Variants in ZNF362 observed in about 807,000 individuals in gnomAD.
The protein encoded by ZNF362 is zinc finger protein 362, also known as rotund homolog.
A neutral mutation model predicts 42.9 loss-of-function variants in ZNF362; 11 were observed. That is an observed-to-expected ratio of 0.26 (90% confidence interval 0.16 to 0.42). The LOEUF (loss-of-function observed/expected upper bound fraction) is 0.42, where lower values mean the gene tolerates loss of function less well. ZNF362 is among the 20% of genes least tolerant of loss of function. ZNF362 has a pLI of 1.00. For missense variants in ZNF362, 362 were observed against 576.2 expected, an observed-to-expected ratio of 0.63 and a Z score of 3.81; for synonymous variants, 255 against 257.3, an observed-to-expected ratio of 0.99 and a Z score of 0.09.
the ZNF362 span, among the ~76,000 whole-genome samples, chr1:33,170,817 A>C: frequency 6.6e-6 from 1 of 152,120 alleles, no homozygotes; most frequent in Non-Finnish European, 1.5e-5. Flanking sequence ...TCTGTGCCCC[A>C]GTGCCTTGTC....
chr1:33,239,929 T>C, the ZNF362 span, among the ~76,000 whole-genome samples: 1 of 152,096 alleles, frequency 6.6e-6, no homozygotes, highest in Non-Finnish European at 1.5e-5. Context: ...CTATCACCCA[T>C]TGAAAAAATA....
chr1:33,279,116 T>C (rs1294071077), intron 4 of ZNF362, among the ~76,000 whole-genome samples: 1 of 152,108 alleles, frequency 6.6e-6, no homozygotes, highest in African/African-American at 2.4e-5. Context: ...CCTCGACCTC[T>C]GGGGCTCAAG....
chr1:33,136,118 CCTT>C, the ZNF362 span, among the ~76,000 whole-genome samples: 3 of 33,070 alleles, frequency 9.1e-5, no homozygotes, highest in Non-Finnish European at 2.5e-4. Context: ...GCCAGCCCTT[CCTT>C]CCTTCCTTCC....
rs909944182 is a variant in ZNF362 at position 33,293,727 on chromosome 1, C to T, written c.909-1210C>T. Among the ~76,000 whole-genome samples the T allele has an allele frequency of 7.2e-5, 11 of 152,310 alleles. No homozygotes were observed. In the South Asian group the frequency reaches 8.3e-4, roughly 11 times the overall value. ...TTGCCCAAACAGATGCTTGAAGACA[C>T]GCCCAGGGAGATGGTGCAAAGGCAT... On this transcript the variant is annotated intron_variant, in intron 6 of 8. Coordinates refer to ENST00000539719, the MANE Select transcript of ZNF362 (RefSeq NM_152493.3).
At chr1:33,273,727 G>A (rs911789262) in intron 2 of ZNF362, among the ~76,000 whole-genome samples, 1 of 152,170 alleles carries the variant, frequency 6.6e-6, no homozygotes, top group African/African-American at 2.4e-5. Flanking sequence ...TGGTGCCCTT[G>A]TTTCTTCCTC....
the ZNF362 span, among the ~76,000 whole-genome samples, chr1:33,139,515 A>G: frequency 6.6e-6 from 1 of 152,192 alleles, no homozygotes; most frequent in Admixed American, 6.5e-5. Flanking sequence ...TGAGTGGGAC[A>G]TGAAGGATGA....
chr1:33,286,958 G>T (rs956323598), intron 6 of ZNF362, among the ~76,000 whole-genome samples: 2 of 152,182 alleles, frequency 1.3e-5, no homozygotes, highest in Admixed American at 1.3e-4. Context: ...GATCCACCCT[G>T]GGAGTTGAGA....
chr1:33,192,851 G>GT, the ZNF362 span, among the ~76,000 whole-genome samples: 2,661 of 152,114 alleles, frequency 0.017, 48 homozygotes, highest in African/African-American at 0.054. Flanking sequence ...TGAGTGAAGT[G>GT]TATTCGGGAG....
the ZNF362 span, among the ~76,000 whole-genome samples, chr1:33,184,319 G>T: frequency 6.6e-6 from 1 of 152,156 alleles, no homozygotes; most frequent in African/African-American, 2.4e-5. Context: ...AGATACCAAG[G>T]CTCAAATAAA....
chr1:33,255,506 G>C (rs548688546), upstream of ZNF362, among the ~76,000 whole-genome samples: 1 of 152,188 alleles, frequency 6.6e-6, no homozygotes, highest in Non-Finnish European at 1.5e-5. Flanking sequence ...AGGTAGAAGT[G>C]TAAGTTTGGA....
the ZNF362 span, among the ~76,000 whole-genome samples, chr1:33,236,526 C>T: frequency 3.0e-4 from 2 of 6,750 alleles, no homozygotes; most frequent in Non-Finnish European, 4.1e-4. Context: ...CAAGACTCTG[C>T]CTCTTAAAAA....
At chr1:33,271,868 G>A (rs887057644) in intron 2 of ZNF362, among the ~76,000 whole-genome samples, 1 of 152,214 alleles carries the variant, frequency 6.6e-6, no homozygotes, top group African/African-American at 2.4e-5. Flanking sequence ...ACCAGACCAG[G>A]TGCATGGCAT....
At chr1:33,192,463 A>G in the ZNF362 span, among the ~76,000 whole-genome samples, 9 of 152,214 alleles carry the variant, frequency 5.9e-5, no homozygotes, top group South Asian at 4.1e-4. Flanking sequence ...AGACCGCCAC[A>G]CAAAGATTTG....
At chr1:33,180,899 C>T in the ZNF362 span, 5 of 430,026 alleles carry the variant, frequency 1.2e-5, no homozygotes, top group Non-Finnish European at 1.8e-5. Flanking sequence ...CCTGACCTTG[C>T]TGGCGGCCCC....
chr1:33,216,034 G>A, the ZNF362 span, among the ~76,000 whole-genome samples: 585 of 149,886 alleles, frequency 3.9e-3, 1 homozygote, highest in Middle Eastern at 0.017. Flanking sequence ...AAAAACAAAC[G>A]TTTCCATAAT....
chr1:33,243,238 C>T, the ZNF362 span, among the ~76,000 whole-genome samples: 2 of 151,772 alleles, frequency 1.3e-5, no homozygotes, highest in Non-Finnish European at 2.9e-5. Context: ...TCACTGAAAC[C>T]CTCCGCCTCC....
the ZNF362 span, among the ~76,000 whole-genome samples, chr1:33,249,007 G>A: frequency 8.6e-3 from 1,315 of 152,362 alleles, 15 homozygotes; most frequent in African/African-American, 0.03. Flanking sequence ...GAAGAGATAT[G>A]TATTGAGCTT....
At position 33,262,545 on chromosome 1, in the gene ZNF362, G is replaced by A. The variant is rs1223157122; in HGVS notation, c.-89+5891G>A. Among the ~76,000 whole-genome samples, 5 of 152,026 alleles carry A rather than the reference G, an allele frequency of 3.3e-5. No individual in the cohort carries two copies. In the East Asian group the frequency reaches 7.7e-4, roughly 24 times the overall value. On this transcript the variant is annotated intron_variant, in intron 1 of 8. Coordinates refer to ENST00000539719, the MANE Select transcript of ZNF362 (RefSeq NM_152493.3). The stretch of plus-strand genomic sequence containing the variant: ...GATGGTCTCGATCTCCTGACCTTGT[G>A]ATCCATCCGCCTTGGCCTCCCAAAG...
chr1:33,192,913 A>C, the ZNF362 span, among the ~76,000 whole-genome samples: 1 of 151,960 alleles, frequency 6.6e-6, no homozygotes, highest in Non-Finnish European at 1.5e-5. Context: ...AAAAGTTAAA[A>C]AATAGATAGT....
Sources: allele counts gnomAD v4.1 joint callset (sites outside exome capture counted in the v4.1 genomes callset), GRCh38; gene constraint gnomAD v4.1.1; transcripts MANE v1.5; gene names NCBI Gene and HGNC (gene_info 2026-07-23, HGNC 2026-07-21).